Variants in SORCS3 observed in about 807,000 individuals in gnomAD.
SORCS3 encodes sortilin related VPS10 domain containing receptor 3.
SORCS3 carries 57 observed loss-of-function variants against 146.3 expected under a neutral mutation model. That is an observed-to-expected ratio of 0.39 (90% CI 0.31 to 0.49). The LOEUF is 0.49. SORCS3 is among the 20% of genes least tolerant of loss of function. The pLI, the probability that SORCS3 is intolerant of heterozygous loss-of-function variation, is 0.92. For synonymous variants in SORCS3, 653 were observed against 618.5 expected, an observed-to-expected ratio of 1.06 and a Z score of -0.83; for missense variants, 1,341 against 1,575.5, an observed-to-expected ratio of 0.85 and a Z score of 2.52.
At chr10:104,865,499 C>G (rs888731627) in intron 2 of SORCS3, among the ~76,000 whole-genome samples, 4 of 152,128 alleles carry the variant, frequency 2.6e-5, no homozygotes, top group Non-Finnish European at 5.9e-5. Flanking sequence ...TTTAACCATC[C>G]TTTATTAGGG....
At chr10:104,929,481 C>A (rs1052440626) in intron 3 of SORCS3, among the ~76,000 whole-genome samples, 6 of 152,174 alleles carry the variant, frequency 3.9e-5, no homozygotes, top group African/African-American at 1.4e-4. Context: ...CTCCTGCATC[C>A]CTCCTGTTTC....
chr10:104,703,167 T>C (rs929499135), intron 1 of SORCS3, among the ~76,000 whole-genome samples: 7 of 152,172 alleles, frequency 4.6e-5, no homozygotes, highest in African/African-American at 1.4e-4. Flanking sequence ...AGAAAGCCAG[T>C]TGGATGGCAG....
At chr10:104,955,433 T>G (rs1019497729) in intron 3 of SORCS3, among the ~76,000 whole-genome samples, 9 of 152,232 alleles carry the variant, frequency 5.9e-5, no homozygotes, top group African/African-American at 1.9e-4. Flanking sequence ...ACATTTAGAT[T>G]GTTTCCACAT....
At chr10:104,925,695 G>A (rs2019137881) in intron 3 of SORCS3, among the ~76,000 whole-genome samples, 1 of 152,176 alleles carries the variant, frequency 6.6e-6, no homozygotes, top group East Asian at 1.9e-4. Context: ...ATGAGCAGGT[G>A]AAGAACCAAT....
chr10:105,132,036 C>A (rs982519416), intron 7 of SORCS3, among the ~76,000 whole-genome samples: 14 of 152,112 alleles, frequency 9.2e-5, no homozygotes, highest in Admixed American at 6.6e-5. Flanking sequence ...ACATGGGACC[C>A]ATTCCCCTCC....
intron 3 of SORCS3, among the ~76,000 whole-genome samples, chr10:104,936,194 A>G (rs1482507329): frequency 6.6e-6 from 1 of 152,198 alleles, no homozygotes; most frequent in East Asian, 1.9e-4. Context: ...GATTATGTGT[A>G]TTGATATGGA....
chr10:105,038,245 TTTTTAAAGA>T (rs1253077625), intron 4 of SORCS3, among the ~76,000 whole-genome samples: 2 of 152,178 alleles, frequency 1.3e-5, no homozygotes, highest in Non-Finnish European at 2.9e-5. Flanking sequence ...ACAAGGAAAG[TTTTTAAAGA>T]TGTTTATTGT....
intron 8 of SORCS3, among the ~76,000 whole-genome samples, chr10:105,143,612 G>T (rs2056110225): frequency 6.6e-6 from 1 of 152,118 alleles, no homozygotes; most frequent in Non-Finnish European, 1.5e-5. Flanking sequence ...AGATACTCTG[G>T]TGAGTATTAG....
intron 22 of SORCS3, among the ~76,000 whole-genome samples, chr10:105,249,255 A>G (rs923714855): frequency 5.3e-5 from 8 of 152,210 alleles, no homozygotes; most frequent in Admixed American, 2.6e-4. Flanking sequence ...GTAAGTCTGG[A>G]GCACATGAGA....
At chr10:104,960,055 T>G (rs915185819) in intron 3 of SORCS3, among the ~76,000 whole-genome samples, 1 of 152,136 alleles carries the variant, frequency 6.6e-6, no homozygotes, top group Non-Finnish European at 1.5e-5. Context: ...ACATCTAGCA[T>G]TTAGATGTTT....
intron 2 of SORCS3, 76 bp downstream of exon 2, chr10:104,842,935 G>A: frequency 8.6e-7 from 1 of 1,161,362 alleles, no homozygotes; most frequent in South Asian, 1.2e-5. Flanking sequence ...CAGTTGGGAA[G>A]TGTGGACTGG....
At position 105,167,357 on chromosome 10, in the gene SORCS3, G is replaced by A. The variant is rs2056322691; in HGVS notation, c.1901+8G>A. 6.2e-7 allele frequency: 1 copy of A among 1,610,408 alleles called. No homozygotes were observed. The highest frequency in any genetic ancestry group is 8.5e-7 in the Non-Finnish European group (1 of 1,177,128). Reference sequence around the variant, plus strand: ...GCCAGTCAGGCATTTGTGGTAAGGAGAGCTCCCTACCCTATTAATGAGCTA... The same window carrying A: ...GCCAGTCAGGCATTTGTGGTAAGGAAAGCTCCCTACCCTATTAATGAGCTA... On this transcript the variant is annotated splice_region_variant and intron_variant, in intron 13 of 26. Coordinates refer to ENST00000369701, the MANE Select transcript of SORCS3 (RefSeq NM_014978.3).
intron 4 of SORCS3, among the ~76,000 whole-genome samples, chr10:105,019,941 T>C (rs866013541): frequency 6.6e-6 from 1 of 152,200 alleles, no homozygotes; most frequent in African/African-American, 2.4e-5. Flanking sequence ...CTCTTCTGTA[T>C]TAAAAGGGCA....
intron 3 of SORCS3, among the ~76,000 whole-genome samples, chr10:104,961,119 G>A (rs1193005107): frequency 6.6e-6 from 1 of 152,108 alleles, no homozygotes; most frequent in African/African-American, 2.4e-5. Flanking sequence ...CATTGCCTTT[G>A]TGATTTTAGG....
intron 1 of SORCS3, among the ~76,000 whole-genome samples, chr10:104,736,262 A>T (rs1198630220): frequency 6.6e-6 from 1 of 152,120 alleles, no homozygotes; most frequent in Non-Finnish European, 1.5e-5. Context: ...TTGTAAACTG[A>T]TTAGATGGCA....
At chr10:104,973,062 A>T (rs929512854) in intron 3 of SORCS3, among the ~76,000 whole-genome samples, 2 of 152,096 alleles carry the variant, frequency 1.3e-5, no homozygotes, top group African/African-American at 4.8e-5. Flanking sequence ...ATCATGGTGG[A>T]TAAGCTTTTT....
intron 3 of SORCS3, among the ~76,000 whole-genome samples, chr10:104,968,180 A>G (rs993201850): frequency 1.3e-5 from 2 of 152,112 alleles, no homozygotes; most frequent in Admixed American, 6.5e-5. Flanking sequence ...TAATGGTGCA[A>G]TCTCGGCTCA....
At chr10:105,195,593 A>T (rs1379214367) in intron 14 of SORCS3, among the ~76,000 whole-genome samples, 1 of 152,204 alleles carries the variant, frequency 6.6e-6, no homozygotes, top group African/African-American at 2.4e-5. Context: ...ATAAGCTTTA[A>T]TCAGAAGAGC....
chr10:104,985,998 G>A (rs73351631), intron 4 of SORCS3, among the ~76,000 whole-genome samples: 9,281 of 152,238 alleles, frequency 0.061, 312 homozygotes, highest in Middle Eastern at 0.095. Context: ...ACTTAAAGTC[G>A]TCAGCAGCGT....
Sources: allele counts gnomAD v4.1 joint callset (sites outside exome capture counted in the v4.1 genomes callset), GRCh38; gene constraint gnomAD v4.1.1; transcripts MANE v1.5; gene names NCBI Gene and HGNC (gene_info 2026-07-23, HGNC 2026-07-21).